Variants in CEP112 observed in about 807,000 individuals in gnomAD.
CEP112 encodes centrosomal protein of 112 kDa.
A neutral mutation model predicts 153.0 loss-of-function variants in CEP112; 127 were observed. That is an observed-to-expected ratio of 0.83 (90% CI 0.72 to 0.96). The LOEUF (loss-of-function observed/expected upper bound fraction) is 0.96. Among genes scored for constraint, CEP112 ranks in the 40% least tolerant of loss-of-function variants. The pLI, the probability that CEP112 is intolerant of heterozygous loss-of-function variation, is 0.00. For missense variants in CEP112, 1,089 were observed against 1,101.2 expected (o/e 0.99, Z 0.16); for synonymous variants, 358 against 374.4 (o/e 0.96, Z 0.51).
intron 21 of CEP112, chr17:65,826,008 C>T: frequency 2.3e-6 from 2 of 856,630 alleles, no homozygotes; most frequent in South Asian, 3.2e-5. Context: ...GCAGTTTGTT[C>T]CATCATCCCT....
chr17:66,008,188 A>G (rs1248125726), intron 16 of CEP112, among the ~76,000 whole-genome samples: 1 of 152,218 alleles, frequency 6.6e-6, no homozygotes, highest in Non-Finnish European at 1.5e-5. Flanking sequence ...ATATATGTAT[A>G]CATTGTAGAA....
In CEP112 at chr17:66,111,582, T is replaced by A. The variant is rs2069048262; in HGVS notation, c.643-14950A>T. 2.6e-5 allele frequency among the ~76,000 whole-genome samples: 4 copies of A among 152,180 alleles called. No homozygotes were observed. The South Asian group carries it at 8.3e-4, about 31-fold the overall frequency. On this transcript the variant is annotated intron_variant, in intron 6 of 26. Coordinates refer to ENST00000535342, the MANE Select transcript of CEP112 (RefSeq NM_001199165.4). Reference sequence around the variant, plus strand: ...TGAATGGAGCTAGAGGCTATTACACTTAGCAAACTATTAAAAACACAGGAA... The same window carrying A: ...TGAATGGAGCTAGAGGCTATTACACATAGCAAACTATTAAAAACACAGGAA...
At chr17:66,150,259 ACG>A (rs2071146623) in intron 4 of CEP112, among the ~76,000 whole-genome samples, 1 of 144,036 alleles carries the variant, frequency 6.9e-6, no homozygotes, top group Non-Finnish European at 1.5e-5. Flanking sequence ...GTGCAGTGGC[ACG>A]ATCTTGGCTC....
At chr17:65,836,885 CT>C (rs1263300629) in intron 21 of CEP112, among the ~76,000 whole-genome samples, 8 of 150,588 alleles carry the variant, frequency 5.3e-5, no homozygotes, top group Non-Finnish European at 1.2e-4. Flanking sequence ...GCCATCTCGG[CT>C]CACTGCAACC....
chr17:65,747,484 C>T (rs908854899), intron 22 of CEP112, among the ~76,000 whole-genome samples: 2 of 152,180 alleles, frequency 1.3e-5, no homozygotes, highest in Non-Finnish European at 2.9e-5. Flanking sequence ...ATGGCAGTAT[C>T]TTTCCTTGAA....
chr17:65,959,932 T>G (rs975755288), intron 18 of CEP112, among the ~76,000 whole-genome samples: 3 of 152,146 alleles, frequency 2.0e-5, no homozygotes, highest in African/African-American at 7.2e-5. Flanking sequence ...ATGAGCCCAG[T>G]GGGCCTTAGC....
intron 19 of CEP112, among the ~76,000 whole-genome samples, chr17:65,905,645 C>A (rs992652124): frequency 6.6e-6 from 1 of 152,122 alleles, no homozygotes; most frequent in African/African-American, 2.4e-5. Context: ...AAGACACATG[C>A]ATGGCTGGGT....
chr17:65,968,433 T>C (rs1174426931), intron 17 of CEP112, among the ~76,000 whole-genome samples: 1 of 152,196 alleles, frequency 6.6e-6, no homozygotes, highest in Non-Finnish European at 1.5e-5. Context: ...CAAATATAAA[T>C]GTAATATTTA....
chr17:65,875,836 A>G (rs912423710), intron 20 of CEP112, among the ~76,000 whole-genome samples: 1 of 152,146 alleles, frequency 6.6e-6, no homozygotes, highest in Non-Finnish European at 1.5e-5. Context: ...GTCTGTAACC[A>G]TGAGTATATT....
At chr17:65,799,226 C>G (rs2055114943) in intron 21 of CEP112, among the ~76,000 whole-genome samples, 1 of 152,074 alleles carries the variant, frequency 6.6e-6, no homozygotes, top group Non-Finnish European at 1.5e-5. Context: ...AATTCTGAAA[C>G]AAATCTGTGG....
intron 19 of CEP112, among the ~76,000 whole-genome samples, chr17:65,907,790 T>C (rs149700157): frequency 7.2e-4 from 110 of 152,342 alleles, no homozygotes; most frequent in African/African-American, 2.5e-3. Flanking sequence ...TAAATAAATG[T>C]TAAAAGAATC....
intron 8 of CEP112, among the ~76,000 whole-genome samples, chr17:66,081,743 T>G (rs964110747): frequency 6.6e-6 from 1 of 152,012 alleles, no homozygotes; most frequent in African/African-American, 2.4e-5. Context: ...GGTGAAACCC[T>G]GTCTCTACTA....
At chr17:65,765,523 G>T (rs2052910703) in intron 21 of CEP112, among the ~76,000 whole-genome samples, 1 of 151,946 alleles carries the variant, frequency 6.6e-6, no homozygotes, top group South Asian at 2.1e-4. Flanking sequence ...GCTCCTGGGG[G>T]CAAAACTCAC....
At position 65,905,874 on chromosome 17, in the gene CEP112, G is replaced by C. The variant is rs531852817; in HGVS notation, c.1981-3540C>G. 1.4e-4 allele frequency among the ~76,000 whole-genome samples: 22 copies of C among 152,164 alleles called. No individual in the cohort carries two copies. The East Asian group carries it at 4.3e-3, about 29-fold the overall frequency. On this transcript the variant is annotated intron_variant, in intron 19 of 26. Transcript: ENST00000535342. ...GCGGGAGAATGGCATGAACCCGGGG[G>C]GCGGAGCTTGCAGTGAGCCAAGATA...
At chr17:65,936,457 G>A (rs1202973708) in intron 18 of CEP112, among the ~76,000 whole-genome samples, 1 of 151,846 alleles carries the variant, frequency 6.6e-6, no homozygotes, top group Non-Finnish European at 1.5e-5. Flanking sequence ...AAACACACAA[G>A]GACACAAGGA....
intron 24 of CEP112, among the ~76,000 whole-genome samples, chr17:65,680,428 C>T (rs1409477446): frequency 6.6e-6 from 1 of 152,160 alleles, no homozygotes; most frequent in Non-Finnish European, 1.5e-5. Flanking sequence ...CTCAAAGTCC[C>T]TGTGGCCTGT....
At chr17:65,875,852 T>C (rs2146542607) in intron 20 of CEP112, among the ~76,000 whole-genome samples, 1 of 152,326 alleles carries the variant, frequency 6.6e-6, no homozygotes, top group South Asian at 2.1e-4. Flanking sequence ...ATATTTTCTA[T>C]GTTTCATGTA....
chr17:65,865,936 C>G (rs1419593021), intron 20 of CEP112, among the ~76,000 whole-genome samples: 1 of 152,122 alleles, frequency 6.6e-6, no homozygotes, highest in Non-Finnish European at 1.5e-5. Context: ...GCGCTCTACA[C>G]AGCCGGTGGG....
intron 23 of CEP112, among the ~76,000 whole-genome samples, chr17:65,706,987 A>G (rs1175817687): frequency 6.6e-6 from 1 of 152,126 alleles, no homozygotes; most frequent in African/African-American, 2.4e-5. Context: ...TCTATTCCAC[A>G]TGTTCCCTCC....
Sources: gnomAD v4.1 joint callset for allele counts (sites outside exome capture counted in the v4.1 genomes callset) on GRCh38, gnomAD v4.1.1 for gene constraint, MANE v1.5 for transcripts, NCBI Gene and HGNC (gene_info 2026-07-23, HGNC 2026-07-21) for gene names.